SGCZ: variants seen among roughly 807,000 people sequenced by gnomAD.
SGCZ encodes the protein sarcoglycan zeta.
SGCZ carries 40 observed loss-of-function variants against 41.3 expected under a neutral mutation model. The ratio of observed to expected loss-of-function variants is 0.97; its 90% CI spans 0.75 to 1.26. The LOEUF (loss-of-function observed/expected upper bound fraction) is 1.26. SGCZ is among the 50% of genes most tolerant of loss of function. The pLI, the probability that SGCZ is intolerant of heterozygous loss-of-function variation, is 0.00. For synonymous variants in SGCZ, 206 were observed against 137.5 expected (o/e 1.50, Z -3.49); for missense variants, 552 against 369.8 (o/e 1.49, Z -4.04).
At chr8:14,443,208 T>A (rs1298490505) in intron 2 of SGCZ, among the ~76,000 whole-genome samples, 1 of 152,036 alleles carries the variant, frequency 6.6e-6, no homozygotes, top group Admixed American at 6.6e-5. Flanking sequence ...GTAGGAAGAA[T>A]CAATATTGTG....
At chr8:14,456,772 G>A (rs1476857896) in intron 2 of SGCZ, among the ~76,000 whole-genome samples, 1 of 152,202 alleles carries the variant, frequency 6.6e-6, no homozygotes, top group Non-Finnish European at 1.5e-5. Flanking sequence ...GCTGGAGGTA[G>A]GACCTGTTGG....
At chr8:15,144,636 A>G (rs1009005384) in intron 1 of SGCZ, among the ~76,000 whole-genome samples, 3 of 152,142 alleles carry the variant, frequency 2.0e-5, no homozygotes, top group African/African-American at 7.2e-5. Context: ...CAGTATTTTT[A>G]GTAGAGACAG....
intron 1 of SGCZ, among the ~76,000 whole-genome samples, chr8:14,741,974 G>A (rs1186678332): frequency 6.6e-6 from 1 of 151,982 alleles, no homozygotes; most frequent in Non-Finnish European, 1.5e-5. Flanking sequence ...CGTCTGTTTA[G>A]TCCTCCATAT....
intron 4 of SGCZ, among the ~76,000 whole-genome samples, chr8:14,233,324 T>A (rs910014317): frequency 1.3e-5 from 2 of 151,742 alleles, no homozygotes; most frequent in Admixed American, 1.3e-4. Context: ...CTGGCTAAGT[T>A]TTTTAAAGGA....
chr8:15,057,102 T>A (rs1336220658), intron 1 of SGCZ, among the ~76,000 whole-genome samples: 1 of 152,182 alleles, frequency 6.6e-6, no homozygotes, highest in Non-Finnish European at 1.5e-5. Flanking sequence ...TGTTCCCCGA[T>A]TACCACTGTG....
intron 1 of SGCZ, among the ~76,000 whole-genome samples, chr8:15,186,186 C>A (rs954247525): frequency 1.4e-5 from 2 of 143,148 alleles, no homozygotes; most frequent in Admixed American, 7.3e-5. Context: ...GGCATGAACC[C>A]GGGAGGCGGA....
intron 3 of SGCZ, among the ~76,000 whole-genome samples, chr8:14,283,875 A>G (rs1033298946): frequency 6.6e-6 from 1 of 152,236 alleles, no homozygotes; most frequent in Non-Finnish European, 1.5e-5. Flanking sequence ...AGTTTACATT[A>G]AAAAAATTTC....
At chr8:14,622,796 G>C (rs1193749772) in intron 1 of SGCZ, among the ~76,000 whole-genome samples, 2 of 152,160 alleles carry the variant, frequency 1.3e-5, no homozygotes, top group Non-Finnish European at 2.9e-5. Context: ...AAATTTCACT[G>C]ATGTTATTAG....
chr8:14,485,633 A>G (rs922535455), intron 2 of SGCZ, among the ~76,000 whole-genome samples: 6 of 152,104 alleles, frequency 3.9e-5, no homozygotes, highest in Admixed American at 3.9e-4. Flanking sequence ...CTCTCATAGT[A>G]CATGAGACAT....
intron 5 of SGCZ, among the ~76,000 whole-genome samples, chr8:14,128,338 T>C (rs1005664393): frequency 1.3e-5 from 2 of 152,128 alleles, no homozygotes; most frequent in African/African-American, 4.8e-5. Context: ...GAAATGCAAA[T>C]TAAAATCACA....
intron 3 of SGCZ, among the ~76,000 whole-genome samples, chr8:14,306,147 C>T (rs1023173276): frequency 6.6e-6 from 1 of 152,120 alleles, no homozygotes; most frequent in Non-Finnish European, 1.5e-5. Context: ...CTAACTGAAT[C>T]CATCATTACA....
rs1382080685 is a variant in SGCZ at position 15,188,633 on chromosome 8, G to T, written c.39+48952C>A. On this transcript the variant is annotated intron_variant, in intron 1 of 7. Coordinates refer to ENST00000382080, the MANE Select transcript of SGCZ (RefSeq NM_139167.4). ...CCTGTTGTGCTTGTTTTAAAAAACGGATAAGGATCATTTGTACTTAGCAGA... is the reference window on the plus strand; with the variant it reads ...CCTGTTGTGCTTGTTTTAAAAAACGTATAAGGATCATTTGTACTTAGCAGA... Among the ~76,000 whole-genome samples, 4 of 152,230 alleles carry T rather than the reference G, an allele frequency of 2.6e-5. No individual in the cohort carries two copies. In the East Asian group the frequency reaches 7.7e-4, roughly 29 times the overall value.
chr8:14,123,372 A>G (rs527885792), intron 5 of SGCZ, among the ~76,000 whole-genome samples: 28 of 152,200 alleles, frequency 1.8e-4, no homozygotes, highest in Non-Finnish European at 2.6e-4. Flanking sequence ...TTTTGTTGAA[A>G]TGTGGGAAAT....
At chr8:14,280,191 T>A (rs1800374801) in intron 3 of SGCZ, among the ~76,000 whole-genome samples, 1 of 151,898 alleles carries the variant, frequency 6.6e-6, no homozygotes, top group African/African-American at 2.4e-5. Context: ...ATAGTATGGA[T>A]GATAATAGGA....
intron 1 of SGCZ, among the ~76,000 whole-genome samples, chr8:15,159,742 C>A (rs1475349859): frequency 1.1e-4 from 3 of 27,984 alleles, no homozygotes; most frequent in East Asian, 2.9e-3. Flanking sequence ...CCCCCCCCAC[C>A]CTCCCCCCCA....
intron 1 of SGCZ, among the ~76,000 whole-genome samples, chr8:14,781,272 C>G (rs1782853342): frequency 6.6e-6 from 1 of 152,110 alleles, no homozygotes; most frequent in Admixed American, 6.6e-5. Flanking sequence ...CATTGTGTCA[C>G]CCAGGCTAGA....
chr8:14,308,115 A>C (rs533957982), intron 3 of SGCZ, among the ~76,000 whole-genome samples: 7 of 152,244 alleles, frequency 4.6e-5, no homozygotes, highest in African/African-American at 1.7e-4. Flanking sequence ...TTTCAAAGCA[A>C]GTTCTTATTT....
At chr8:14,779,175 T>C (rs1800505780) in intron 1 of SGCZ, among the ~76,000 whole-genome samples, 1 of 152,224 alleles carries the variant, frequency 6.6e-6, no homozygotes, top group African/African-American at 2.4e-5. Context: ...TATTAAATCA[T>C]GGTCACCTAT....
intron 1 of SGCZ, among the ~76,000 whole-genome samples, chr8:14,765,967 C>CTTTT (rs59212700): frequency 0.028 from 4,029 of 141,532 alleles, 78 homozygotes; most frequent in Non-Finnish European, 0.046. Flanking sequence ...ATATGATAGT[C>CTTTT]TTTTTTTTTT....
Sources: allele counts gnomAD v4.1 joint callset (sites outside exome capture counted in the v4.1 genomes callset), GRCh38; gene constraint gnomAD v4.1.1; transcripts MANE v1.5; gene names NCBI Gene and HGNC (gene_info 2026-07-23, HGNC 2026-07-21).